The following C2CD3 variants were observed in gnomAD, a reference collection of about 807,000 sequenced individuals.
C2CD3 encodes C2 domain-containing protein 3.
In C2CD3, 148 loss-of-function variants were observed where a neutral mutation model predicts 234.0. That is an observed-to-expected ratio of 0.63 (90% CI 0.55 to 0.72). The LOEUF is 0.72. Among genes scored for constraint, C2CD3 ranks in the 30% least tolerant of loss-of-function variants. The pLI is 0.00. For synonymous variants in C2CD3, 1,000 were observed against 1,035.4 expected, an observed-to-expected ratio of 0.97 and a Z score of 0.66; for missense variants, 2,577 against 2,811.5, an observed-to-expected ratio of 0.92 and a Z score of 1.89.
chr11:74,091,452 T>G (rs1955890039), intron 19 of C2CD3: 1 of 152,584 alleles, frequency 6.6e-6, no homozygotes, highest in African/African-American at 2.4e-5. Flanking sequence ...GAGAAACAAC[T>G]CAATCTTAAT....
chr11:74,068,794 TTTA>T (rs1954661193), intron 24 of C2CD3, among the ~76,000 whole-genome samples: 1 of 151,780 alleles, frequency 6.6e-6, no homozygotes, highest in Non-Finnish European at 1.5e-5. Flanking sequence ...ATCCCTCTGG[TTTA>T]TTTATTTATT....
intron 3 of C2CD3, among the ~76,000 whole-genome samples, chr11:74,145,451 T>C (rs562245268): frequency 6.6e-6 from 1 of 152,322 alleles, no homozygotes; most frequent in East Asian, 1.9e-4. Context: ...TTATAGATTC[T>C]GGATATTAGA....
rs200122663 is a variant in C2CD3, at chr11:74,049,508, G to C, written c.5190C>G (p.Asp1730Glu). 2.7e-5 allele frequency: 43 copies of C among 1,612,424 alleles called. No individual in the cohort carries two copies. Among genetic ancestry groups the C allele is most frequent in the Middle Eastern group, 2.1e-4 (1 of 4,812 alleles). Residue 1730 changes from aspartate to glutamate, a missense_variant, in exon 27 of 33, where the codon GAC becomes GAG. Transcript: ENST00000334126. ...EERVIGFASV[D>E]LSPLLSGFQF... Reference sequence around the variant, plus strand: ...GGAAGCCAGAGAGAAGTGGGGAGAGGTCCACCGAGGCAAAGCCAATCACCC... The same window carrying C: ...GGAAGCCAGAGAGAAGTGGGGAGAGCTCCACCGAGGCAAAGCCAATCACCC...
intron 18 of C2CD3, 70 bp downstream of exon 18, chr11:74,093,746 G>T: frequency 8.0e-7 from 1 of 1,250,536 alleles, no homozygotes; most frequent in Non-Finnish European, 1.1e-6. Flanking sequence ...ACCTAGGCTG[G>T]TTAGGAGTAG....
At chr11:74,164,208 T>C in intron 2 of C2CD3, 1 of 961,418 alleles carries the variant, frequency 1.0e-6, no homozygotes, top group Non-Finnish European at 1.2e-6. Context: ...CTATTCCTAC[T>C]CCGATTTGTC....
At chr11:74,089,347 C>G (rs552117278) in intron 20 of C2CD3, among the ~76,000 whole-genome samples, 29 of 152,214 alleles carry the variant, frequency 1.9e-4, no homozygotes, top group Admixed American at 5.9e-4. Flanking sequence ...ACACCAAAAA[C>G]CAAAACAAAC....
chr11:74,054,392 G>GT (rs1437451631), intron 26 of C2CD3, among the ~76,000 whole-genome samples: 2 of 147,670 alleles, frequency 1.4e-5, no homozygotes, highest in African/African-American at 5.1e-5. Flanking sequence ...GCAAGATCTT[G>GT]TTCAAAAAAA....
At chr11:74,032,515 T>C (rs563207986) in intron 31 of C2CD3, among the ~76,000 whole-genome samples, 1 of 152,306 alleles carries the variant, frequency 6.6e-6, no homozygotes, top group South Asian at 2.1e-4. Context: ...AGTACCTTAC[T>C]GGGGACTTGG....
At chr11:74,168,123 C>T (rs1856924209) in intron 2 of C2CD3, 1 of 489,106 alleles carries the variant, frequency 2.0e-6, no homozygotes, top group African/African-American at 1.9e-5. Context: ...ACCTATCTTT[C>T]AGGGTTATTG....
chr11:74,046,517 TG>T (rs1565225218), intron 28 of C2CD3, among the ~76,000 whole-genome samples: 1 of 152,116 alleles, frequency 6.6e-6, no homozygotes, highest in Non-Finnish European at 1.5e-5. Flanking sequence ...TTTGTGGAGA[TG>T]GGGTCTCACT....
At chr11:74,151,809 T>A (rs1194800675) in intron 3 of C2CD3, among the ~76,000 whole-genome samples, 1 of 151,962 alleles carries the variant, frequency 6.6e-6, no homozygotes, top group Non-Finnish European at 1.5e-5. Context: ...AAAACCGCTA[T>A]CATATAGATG....
At chr11:74,060,482 C>T (rs530155728) in intron 24 of C2CD3, among the ~76,000 whole-genome samples, 34 of 152,310 alleles carry the variant, frequency 2.2e-4, no homozygotes, top group African/African-American at 7.9e-4. Flanking sequence ...CTGCAGCCTC[C>T]GCTGGTGATA....
At chr11:74,146,118 CTG>C (rs1161528729) in intron 3 of C2CD3, among the ~76,000 whole-genome samples, 2 of 152,072 alleles carry the variant, frequency 1.3e-5, no homozygotes, top group African/African-American at 4.8e-5. Flanking sequence ...CACATTTAAA[CTG>C]TTATTTTTTT....
chr11:74,110,930 A>G (rs544564199), intron 11 of C2CD3, among the ~76,000 whole-genome samples: 1 of 152,364 alleles, frequency 6.6e-6, no homozygotes, highest in South Asian at 2.1e-4. Context: ...TGGTATAATC[A>G]GAACTAGAAC....
intron 24 of C2CD3, among the ~76,000 whole-genome samples, chr11:74,066,955 A>T (rs1422975317): frequency 6.6e-6 from 1 of 152,202 alleles, no homozygotes; most frequent in East Asian, 1.9e-4. Context: ...AACATCTACT[A>T]GTAGGCTTGT....
intron 5 of C2CD3, 132 bp downstream of exon 5, chr11:74,138,587 CT>C: frequency 1.4e-6 from 1 of 701,102 alleles, no homozygotes; most frequent in South Asian, 1.8e-5. Context: ...AGATGCTGGA[CT>C]CTAGCAAGAC....
intron 19 of C2CD3, 75 bp from the exon 20 acceptor site, chr11:74,091,011 A>T: frequency 6.5e-7 from 1 of 1,530,586 alleles, no homozygotes; most frequent in Non-Finnish European, 8.9e-7. Context: ...AGTTTTGGTC[A>T]GGAAGGATGG....
chr11:74,121,548 G>A (rs1418726651), intron 8 of C2CD3, among the ~76,000 whole-genome samples: 4 of 149,830 alleles, frequency 2.7e-5, no homozygotes, highest in Non-Finnish European at 5.9e-5. Flanking sequence ...TGGAGGTTGC[G>A]GTGAGCCGAG....
At position 74,034,180 on chromosome 11, in the gene C2CD3, T is replaced by C. The variant is rs1310852348; in HGVS notation, c.5980A>G (p.Thr1994Ala). The C allele has an allele frequency of 2.3e-5, 35 of 1,536,136 alleles. No homozygotes were observed. The highest frequency in any genetic ancestry group is 1.2e-4 in the East Asian group (5 of 40,934). Residue 1994 changes from threonine to alanine, a missense_variant, in exon 31 of 33, where the codon ACA becomes GCA. Coordinates refer to ENST00000334126, the MANE Select transcript of C2CD3 (RefSeq NM_001286577.2). ...KATTLPDAQD[T>A]EALQERCTMP... ...GTGCATCGTTCTTGCAGTGCTTCTG[T>C]GTCCTGAGCATCTGGGAGGGTGGTG... is the stretch of plus-strand genomic sequence containing the variant.
Sources: allele counts gnomAD v4.1 joint callset (sites outside exome capture counted in the v4.1 genomes callset), GRCh38; gene constraint gnomAD v4.1.1; transcripts MANE v1.5; gene names NCBI Gene and HGNC (gene_info 2026-07-23, HGNC 2026-07-21).